The following FER variants were observed in gnomAD, a reference collection of about 807,000 sequenced individuals.
The protein encoded by FER is FER tyrosine kinase.
A neutral mutation model predicts 111.0 loss-of-function variants in FER; 63 were observed. The ratio of observed to expected loss-of-function variants is 0.57; its 90% CI spans 0.46 to 0.70. FER has a LOEUF of 0.70. Among genes scored for constraint, FER ranks in the 30% least tolerant of loss-of-function variants. FER has a pLI of 0.00. For synonymous variants in FER, 327 were observed against 313.9 expected (o/e 1.04, Z -0.44); for missense variants, 914 against 954.0 (o/e 0.96, Z 0.55).
At chr5:109,085,234 C>A (rs1432961519) in intron 16 of FER, among the ~76,000 whole-genome samples, 3 of 151,754 alleles carry the variant, frequency 2.0e-5, no homozygotes, top group Non-Finnish European at 4.4e-5. Context: ...GCTCTCCTTT[C>A]ACTTCTCTTA....
chr5:108,973,449 T>A (rs966695449), intron 13 of FER, among the ~76,000 whole-genome samples: 5 of 152,106 alleles, frequency 3.3e-5, no homozygotes, highest in African/African-American at 1.2e-4. Context: ...AGAAACCTCA[T>A]TGTATGTATT....
chr5:109,129,779 C>T (rs1047387551), intron 17 of FER, among the ~76,000 whole-genome samples: 1 of 151,822 alleles, frequency 6.6e-6, no homozygotes, highest in Non-Finnish European at 1.5e-5. Context: ...AAATGCATAC[C>T]CTTTTACACA....
chr5:108,874,160 T>G (rs996951015), intron 8 of FER, among the ~76,000 whole-genome samples: 14 of 151,892 alleles, frequency 9.2e-5, no homozygotes, highest in African/African-American at 3.4e-4. Context: ...CCAGAAAGAG[T>G]GAGTATATAG....
intron 17 of FER, among the ~76,000 whole-genome samples, chr5:109,154,531 T>C (rs1245324793): frequency 6.6e-6 from 1 of 151,760 alleles, no homozygotes; most frequent in Non-Finnish European, 1.5e-5. Context: ...GGTTAAAGAA[T>C]ACAGGAAGAA....
intron 5 of FER, among the ~76,000 whole-genome samples, chr5:108,864,072 G>T (rs1198762493): frequency 6.6e-6 from 1 of 152,178 alleles, no homozygotes; most frequent in Non-Finnish European, 1.5e-5. Context: ...GTTATAAAGT[G>T]AAATAGATTA....
At chr5:109,120,377 A>G (rs1750814172) in intron 17 of FER, among the ~76,000 whole-genome samples, 1 of 151,824 alleles carries the variant, frequency 6.6e-6, no homozygotes, top group Non-Finnish European at 1.5e-5. Context: ...TCCCTAATGT[A>G]TGCTCTCTCT....
chr5:108,933,953 A>G (rs1030043409), intron 10 of FER, among the ~76,000 whole-genome samples: 1 of 152,162 alleles, frequency 6.6e-6, no homozygotes, highest in Admixed American at 6.6e-5. Flanking sequence ...CTGATTTTGT[A>G]TCCTGAGACT....
chr5:109,021,677 A>G lies in FER; in HGVS notation c.1657-15745A>G, dbSNP rs573715831. ...ACAACATATATCCCATCTCATTACT[A>G]TAAAGTAATTAATTTTCTACTAAAC... On this transcript the variant is annotated intron_variant, in intron 13 of 19. Coordinates refer to ENST00000281092, the MANE Select transcript of FER (RefSeq NM_005246.4). Among the ~76,000 whole-genome samples, 280 of 152,212 alleles carry G rather than the reference A, an allele frequency of 1.8e-3. 2 individuals carry two copies. Among genetic ancestry groups the G allele is most frequent in the South Asian group, 7.3e-3 (35 of 4,820 alleles).
At chr5:109,018,197 T>C (rs1767450230) in intron 13 of FER, among the ~76,000 whole-genome samples, 1 of 151,856 alleles carries the variant, frequency 6.6e-6, no homozygotes, top group Admixed American at 6.6e-5. Context: ...GAAATAATTT[T>C]AAAAGTCCAC....
chr5:109,001,917 C>T (rs1385638155), intron 13 of FER, among the ~76,000 whole-genome samples: 1 of 152,050 alleles, frequency 6.6e-6, no homozygotes, highest in African/African-American at 2.4e-5. Flanking sequence ...CCTAGGAATC[C>T]AACTTACAAG....
chr5:108,911,342 C>G (rs1751517235), intron 10 of FER, among the ~76,000 whole-genome samples: 1 of 151,564 alleles, frequency 6.6e-6, no homozygotes. Flanking sequence ...TGTGTTGTTT[C>G]AGTTCCCTAT....
intron 16 of FER, among the ~76,000 whole-genome samples, chr5:109,084,648 G>A (rs997502181): frequency 2.4e-4 from 36 of 151,802 alleles, no homozygotes; most frequent in Non-Finnish European, 7.4e-5. Flanking sequence ...TCTTTTGTGT[G>A]GTTACTGCTT....
intron 5 of FER, among the ~76,000 whole-genome samples, chr5:108,865,953 T>G (rs961783240): frequency 6.6e-6 from 1 of 152,118 alleles, no homozygotes; most frequent in Admixed American, 6.5e-5. Context: ...CTGGAGAGGA[T>G]GTGGAGAAAT....
chr5:108,827,802 T>G (rs1014552151), intron 3 of FER, among the ~76,000 whole-genome samples: 1 of 150,224 alleles, frequency 6.7e-6, no homozygotes, highest in African/African-American at 2.4e-5. Context: ...CGTATAATAT[T>G]TAACAGATGG....
At chr5:108,779,473 G>T (rs1236571595) in intron 2 of FER, among the ~76,000 whole-genome samples, 1 of 152,128 alleles carries the variant, frequency 6.6e-6, no homozygotes, top group Non-Finnish European at 1.5e-5. Flanking sequence ...TTAATCAAAA[G>T]TGTGTAAGTT....
intron 10 of FER, 29 bp from the exon 11 acceptor site, chr5:108,946,101 G>T (rs1292773556): frequency 6.6e-7 from 1 of 1,523,920 alleles, no homozygotes; most frequent in Non-Finnish European, 9.1e-7. Flanking sequence ...GTTTACTGTT[G>T]CTGAAGGCTT....
chr5:108,997,072 T>C (rs1442242475), intron 13 of FER, among the ~76,000 whole-genome samples: 2 of 151,752 alleles, frequency 1.3e-5, no homozygotes, highest in African/African-American at 4.8e-5. Context: ...CTGTTATTGG[T>C]GTTTAGGAAT....
At chr5:109,079,752 T>G (rs1180113337) in intron 16 of FER, among the ~76,000 whole-genome samples, 1 of 152,024 alleles carries the variant, frequency 6.6e-6, no homozygotes, top group Admixed American at 6.6e-5. Flanking sequence ...AAATATCACA[T>G]TAGATTAGAT....
intron 13 of FER, among the ~76,000 whole-genome samples, chr5:109,016,014 A>T (rs1203771546): frequency 6.6e-6 from 1 of 151,950 alleles, no homozygotes; most frequent in Non-Finnish European, 1.5e-5. Context: ...ACTGGGTCAC[A>T]TTTAGTTTAA....
Sources: gnomAD v4.1 joint callset for allele counts (sites outside exome capture counted in the v4.1 genomes callset) on GRCh38, gnomAD v4.1.1 for gene constraint, MANE v1.5 for transcripts, NCBI Gene and HGNC (gene_info 2026-07-23, HGNC 2026-07-21) for gene names.